The following TMEM204 variants were observed in gnomAD, a reference collection of about 807,000 sequenced individuals.
TMEM204 encodes transmembrane protein 204.
In TMEM204, 15 loss-of-function variants were observed where a neutral mutation model predicts 19.4. That is an observed-to-expected ratio of 0.77 (90% CI 0.52 to 1.19). TMEM204 has a LOEUF of 1.19. TMEM204 is among the 50% of genes most tolerant of loss of function. The pLI is 0.00. For synonymous variants in TMEM204, 161 were observed against 146.0 expected (o/e 1.10, Z -0.74); for missense variants, 287 against 321.2 (o/e 0.89, Z 0.81).
chr16:1,553,590 T>G lies in TMEM204; in HGVS notation c.437-1192T>G. 9.8e-7 allele frequency: 1 copy of G among 1,019,664 alleles called. No homozygotes were observed. Among genetic ancestry groups the G allele is most frequent in the African/African-American group, 1.7e-5 (1 of 58,528 alleles). The allele number at this position is 1,019,664 out of a possible 1,614,324, so 63.2% of individuals were successfully genotyped here. A position where few individuals can be genotyped will look rare whatever the true frequency, so the allele number is the denominator to read the frequency against. On this transcript the variant is annotated intron_variant, in intron 2 of 2. Coordinates refer to ENST00000566264, the MANE Select transcript of TMEM204 (RefSeq NM_024600.6). This position sits in a 1 kb window ranked among gnomAD's most constrained non-coding sequence, Gnocchi z 4.4. ...CTGGACCAGTGTAAGTTACAGAGAG[T>G]CTCTGGCACTTTGGGTACAAGAAAC...
At chr16:1,549,383 C>T (rs962104889) in intron 2 of TMEM204, among the ~76,000 whole-genome samples, 8 of 152,362 alleles carry the variant, frequency 5.3e-5, no homozygotes, top group Admixed American at 2.0e-4. Flanking sequence ...GAGTGAAGCG[C>T]GGCTCCCAGA....
chr16:1,538,309 A>T (rs1449178416), intron 1 of TMEM204, among the ~76,000 whole-genome samples: 1 of 152,102 alleles, frequency 6.6e-6, no homozygotes, highest in African/African-American at 2.4e-5. Flanking sequence ...GTGTGCCTGG[A>T]GCTGCGAGGA....
chr16:1,555,089 G>A lies in TMEM204; in HGVS notation c.*63G>A. 1 of 1,542,628 alleles carries A rather than the reference G, an allele frequency of 6.5e-7. No individual in the cohort carries two copies. Among genetic ancestry groups the A allele is most frequent in the African/African-American group, 1.4e-5 (1 of 73,992 alleles). On this transcript the variant is annotated 3_prime_UTR_variant, in exon 3 of 3. Transcript: ENST00000566264. ...ATCGTGGAACAGCCTAGAAACCAAG[G>A]GACTCCACCACCAAGTCACTTCCCC...
chr16:1,535,564 G>A (rs569196264), intron 1 of TMEM204, among the ~76,000 whole-genome samples: 4 of 152,264 alleles, frequency 2.6e-5, no homozygotes, highest in South Asian at 4.1e-4. Flanking sequence ...AGGGAGTCCC[G>A]GAGTACTGGG....
intron 2 of TMEM204, among the ~76,000 whole-genome samples, chr16:1,544,136 G>T (rs2031920374): frequency 6.7e-6 from 1 of 150,010 alleles, no homozygotes; most frequent in Admixed American, 6.7e-5. Flanking sequence ...TCCTGCCTCA[G>T]CCTCCCGTGT....
intron 2 of TMEM204, among the ~76,000 whole-genome samples, chr16:1,543,370 T>G (rs973426347): frequency 4.6e-5 from 7 of 152,234 alleles, no homozygotes; most frequent in Non-Finnish European, 8.8e-5. Flanking sequence ...CAGGTATTCC[T>G]GTGCTGGAAA....
At chr16:1,541,429 G>A in intron 1 of TMEM204, 3 of 985,418 alleles carry the variant, frequency 3.0e-6, no homozygotes, top group Non-Finnish European at 3.6e-6. Context: ...GAGCCGCTTG[G>A]GGGTCGGGCA....
At position 1,553,504 on chromosome 16, in the gene TMEM204, C is replaced by G. The variant is rs754325715; in HGVS notation, c.437-1278C>G. On this transcript the variant is annotated intron_variant, in intron 2 of 2. Transcript: ENST00000566264. This position sits in a 1 kb window ranked among gnomAD's most constrained non-coding sequence, Gnocchi z 4.4. ...GGACAGCAGTGGGGCTCGGCGTGGC[C>G]GGAGCCTGGGGAGGGACATGGACAA... is the stretch of plus-strand genomic sequence containing the variant. The G allele has an allele frequency of 6.1e-6, 6 of 985,288 alleles. No homozygotes were observed. The highest frequency in any genetic ancestry group is 7.2e-6 in the Non-Finnish European group (6 of 829,932). 61.0% of individuals were successfully genotyped at this position (985,288 alleles called of 1,614,324 possible). A position where few individuals can be genotyped will look rare whatever the true frequency, so the allele number is the denominator to read the frequency against.
chr16:1,537,143 C>G (rs532043036), intron 1 of TMEM204, among the ~76,000 whole-genome samples: 1 of 152,340 alleles, frequency 6.6e-6, no homozygotes, highest in East Asian at 1.9e-4. Flanking sequence ...GGTTTGCTCA[C>G]AATTCCATCC....
chr16:1,541,488 C>T (rs2031630698), intron 1 of TMEM204: 2 of 985,324 alleles, frequency 2.0e-6, no homozygotes, highest in African/African-American at 3.5e-5. Flanking sequence ...CCCGCGGAGT[C>T]TCCGGTCAGG....
At chr16:1,554,019 T>C (rs1489941111) in intron 2 of TMEM204, 6 of 1,286,952 alleles carry the variant, frequency 4.7e-6, no homozygotes, top group Non-Finnish European at 4.0e-6. Context: ...ACGGCCCACC[T>C]CTCCTTCTCT....
At chr16:1,529,303 C>T (rs964851702), upstream of TMEM204, among the ~76,000 whole-genome samples, 5 of 152,196 alleles carry the variant, frequency 3.3e-5, no homozygotes, top group Admixed American at 6.5e-5. Flanking sequence ...GCCAGGCCCT[C>T]GTGGGGGTGC....
intron 1 of TMEM204, among the ~76,000 whole-genome samples, chr16:1,540,360 G>A (rs987374139): frequency 1.7e-4 from 26 of 152,334 alleles, no homozygotes; most frequent in African/African-American, 6.3e-4. Context: ...AAACACTCAC[G>A]AAGTAAAGCA....
chr16:1,536,492 T>G (rs1251684768), intron 1 of TMEM204, among the ~76,000 whole-genome samples: 1 of 152,240 alleles, frequency 6.6e-6, no homozygotes, highest in Non-Finnish European at 1.5e-5. Context: ...TGCAGGTGGC[T>G]GACCCTCAGT....
chr16:1,553,900 G>GTTT lies in TMEM204; in HGVS notation c.437-881_437-880insTTT. The GTTT allele has an allele frequency of 7.9e-7, 1 of 1,271,662 alleles. No homozygotes were observed. The highest frequency in any genetic ancestry group is 1.0e-6 in the Non-Finnish European group (1 of 978,522). The allele number at this position is 1,271,662 out of a possible 1,614,324, so 78.8% of individuals were successfully genotyped here. On this transcript the variant is annotated intron_variant, in intron 2 of 2. Coordinates refer to ENST00000566264, the MANE Select transcript of TMEM204 (RefSeq NM_024600.6). This position sits in a 1 kb window ranked among gnomAD's most constrained non-coding sequence, Gnocchi z 4.4. ...GTCACGAAACCCTGATTTTCCTGTTGTAAGAACTAAAAAGGTCTTTGGAGC... is the reference window on the plus strand; with the variant it reads ...GTCACGAAACCCTGATTTTCCTGTTGTTTTAAGAACTAAAAAGGTCTTTGGAGC...
At chr16:1,539,283 A>G (rs2031398700) in intron 1 of TMEM204, among the ~76,000 whole-genome samples, 1 of 150,492 alleles carries the variant, frequency 6.6e-6, no homozygotes, top group Non-Finnish European at 1.5e-5. Context: ...GGGCCTCACC[A>G]AGCCGCACAG....
upstream of TMEM204, chr16:1,532,592 T>G (rs2030622599): frequency 6.6e-6 from 1 of 152,280 alleles, no homozygotes; most frequent in Non-Finnish European, 1.5e-5. Flanking sequence ...GTCAAAGCTC[T>G]GCTGTTACCA....
At chr16:1,537,669 TCTC>T (rs1247604614) in intron 1 of TMEM204, among the ~76,000 whole-genome samples, 1 of 152,206 alleles carries the variant, frequency 6.6e-6, no homozygotes, top group Non-Finnish European at 1.5e-5. Context: ...GGTCTCAATT[TCTC>T]CTCCTCACTT....
chr16:1,540,319 T>C lies in TMEM204; in HGVS notation c.281-1602T>C, dbSNP rs1196777332. 2.0e-5 allele frequency among the ~76,000 whole-genome samples: 3 copies of C among 152,216 alleles called. No homozygotes were observed. The East Asian group carries it at 5.8e-4, about 29-fold the overall frequency. Reference sequence around the variant, plus strand: ...CGTGTGGAATTGCTAATACTGGCAATAGTGGTTCCAACGGATACTTCTAAC... The same window carrying C: ...CGTGTGGAATTGCTAATACTGGCAACAGTGGTTCCAACGGATACTTCTAAC... On this transcript the variant is annotated intron_variant, in intron 1 of 2. Transcript: ENST00000566264.
Sources: gnomAD v4.1 joint callset for allele counts (sites outside exome capture counted in the v4.1 genomes callset) on GRCh38, gnomAD v4.1.1 for gene constraint, Gnocchi (gnomAD v3.1) non-coding constraint, MANE v1.5 for transcripts, NCBI Gene and HGNC (gene_info 2026-07-23, HGNC 2026-07-21) for gene names.